ADAMTS12: variants seen among roughly 807,000 people sequenced by gnomAD.
ADAMTS12 encodes the protein A disintegrin and metalloproteinase with thrombospondin motifs 12.
ADAMTS12 carries 118 observed loss-of-function variants against 167.8 expected under a neutral mutation model. That is an observed-to-expected ratio of 0.70 (90% confidence interval 0.61 to 0.82). ADAMTS12 has a LOEUF of 0.82. Among genes scored for constraint, ADAMTS12 ranks in the 40% least tolerant of loss-of-function variants. The pLI, the probability that ADAMTS12 is intolerant of heterozygous loss-of-function variation, is 0.00. For missense variants in ADAMTS12, 1,916 were observed against 1,998.8 expected (o/e 0.96, Z 0.79); for synonymous variants, 704 against 716.9 (o/e 0.98, Z 0.29).
intron 2 of ADAMTS12, among the ~76,000 whole-genome samples, chr5:33,767,010 T>C (rs1242383886): frequency 6.6e-6 from 1 of 152,186 alleles, no homozygotes; most frequent in East Asian, 1.9e-4. Context: ...ACCACTGCAT[T>C]ATTGATAATG....
chr5:33,561,392 T>A (rs1385854791), intron 19 of ADAMTS12, among the ~76,000 whole-genome samples: 3 of 152,210 alleles, frequency 2.0e-5, no homozygotes, highest in Admixed American at 1.3e-4. Flanking sequence ...TAAAAATAAT[T>A]CCCCAGCTTA....
At chr5:33,790,585 AG>A in intron 2 of ADAMTS12, among the ~76,000 whole-genome samples, 1 of 150,734 alleles carries the variant, frequency 6.6e-6, no homozygotes, top group East Asian at 1.9e-4. Context: ...AAAAGAAAAA[AG>A]AATGTCCCAC....
At chr5:33,550,329 C>A (rs1337846984) in intron 20 of ADAMTS12, among the ~76,000 whole-genome samples, 1 of 152,194 alleles carries the variant, frequency 6.6e-6, no homozygotes, top group Non-Finnish European at 1.5e-5. Flanking sequence ...AGGACTTGCT[C>A]TCTGGTCTGT....
At chr5:33,533,183 T>C (rs1317945917) in intron 23 of ADAMTS12, among the ~76,000 whole-genome samples, 2 of 152,234 alleles carry the variant, frequency 1.3e-5, no homozygotes, top group Non-Finnish European at 2.9e-5. Flanking sequence ...TGTCCAGCAA[T>C]AGGACAGTTG....
At chr5:33,533,993 C>T (rs373054194) in intron 23 of ADAMTS12, among the ~76,000 whole-genome samples, 3 of 152,190 alleles carry the variant, frequency 2.0e-5, no homozygotes, top group East Asian at 1.9e-4. Flanking sequence ...CCTGAATATA[C>T]TCACTTCTCT....
chr5:33,593,691 G>A (rs879888656), intron 17 of ADAMTS12, among the ~76,000 whole-genome samples: 2 of 151,974 alleles, frequency 1.3e-5, no homozygotes, highest in African/African-American at 2.4e-5. Context: ...GAGTTGGGGG[G>A]CTAGGGGTGG....
At chr5:33,652,565 C>A (rs13186176) in intron 7 of ADAMTS12, among the ~76,000 whole-genome samples, 20,844 of 151,972 alleles carry the variant, frequency 0.14, 1,808 homozygotes, top group Non-Finnish European at 0.2. Context: ...TATGTTTTCT[C>A]CACTCTGTGG....
chr5:33,615,264 C>T (rs1410325124), intron 15 of ADAMTS12, among the ~76,000 whole-genome samples: 1 of 152,194 alleles, frequency 6.6e-6, no homozygotes, highest in Non-Finnish European at 1.5e-5. Context: ...GGATGTCTCT[C>T]TAACTTTAGA....
intron 2 of ADAMTS12, among the ~76,000 whole-genome samples, chr5:33,878,299 C>T (rs1750304085): frequency 6.6e-6 from 1 of 151,978 alleles, no homozygotes; most frequent in Admixed American, 6.6e-5. Context: ...TTATAACCAT[C>T]CATTAAACAT....
At chr5:33,649,765 T>G in intron 7 of ADAMTS12, 68 bp from the exon 8 acceptor site, 1 of 1,579,604 alleles carries the variant, frequency 6.3e-7, no homozygotes, top group Non-Finnish European at 8.6e-7. Context: ...AAAACCATAG[T>G]TTCCCTAAGA....
intron 3 of ADAMTS12, among the ~76,000 whole-genome samples, chr5:33,746,981 C>T (rs922512484): frequency 6.6e-6 from 1 of 152,180 alleles, no homozygotes; most frequent in Non-Finnish European, 1.5e-5. Context: ...AGCCAGCCCC[C>T]ACTACTGCAT....
chr5:33,662,236 ACCT>A (rs1741284667), intron 5 of ADAMTS12, among the ~76,000 whole-genome samples, 196 bp from the exon 6 acceptor site: 1 of 152,102 alleles, frequency 6.6e-6, no homozygotes, highest in African/African-American at 2.4e-5. Context: ...CATTCTAATG[ACCT>A]CCACTAGAAG....
chr5:33,856,344 T>C (rs571005692), intron 2 of ADAMTS12, among the ~76,000 whole-genome samples: 1 of 152,254 alleles, frequency 6.6e-6, no homozygotes, highest in East Asian at 1.9e-4. Flanking sequence ...TCTGGGAACA[T>C]AAAGCTGGGC....
intron 2 of ADAMTS12, among the ~76,000 whole-genome samples, chr5:33,861,936 A>C (rs1480971270): frequency 1.3e-5 from 2 of 152,190 alleles, no homozygotes; most frequent in African/African-American, 2.4e-5. Context: ...CTAATGGGTA[A>C]ATAACGAAAT....
chr5:33,622,875 A>G (rs1353714134), intron 14 of ADAMTS12, among the ~76,000 whole-genome samples: 1 of 152,162 alleles, frequency 6.6e-6, no homozygotes, highest in African/African-American at 2.4e-5. Context: ...TTCAGAGAGT[A>G]TTTTTCATCC....
At chr5:33,646,959 C>T (rs979454761) in intron 9 of ADAMTS12, among the ~76,000 whole-genome samples, 1 of 151,752 alleles carries the variant, frequency 6.6e-6, no homozygotes, top group Non-Finnish European at 1.5e-5. Flanking sequence ...ATTCAAAAGT[C>T]AATAGACAGG....
chr5:33,618,240 C>CT (rs1345021262), intron 14 of ADAMTS12, among the ~76,000 whole-genome samples: 1 of 152,098 alleles, frequency 6.6e-6, no homozygotes, highest in Non-Finnish European at 1.5e-5. Flanking sequence ...GACCTTCATC[C>CT]TTGTTGTCTT....
At chr5:33,854,053 T>C (rs1002995360) in intron 2 of ADAMTS12, among the ~76,000 whole-genome samples, 1 of 152,220 alleles carries the variant, frequency 6.6e-6, no homozygotes, top group Admixed American at 6.5e-5. Context: ...ATGCAAAATA[T>C]GTCAAGCCTC....
intron 18 of ADAMTS12, among the ~76,000 whole-genome samples, chr5:33,580,190 TC>T (rs1162924086): frequency 1.3e-5 from 2 of 152,244 alleles, no homozygotes; most frequent in Admixed American, 1.3e-4. Flanking sequence ...TAGTTTGTTT[TC>T]ATGCTGCTAT....
Sources: gnomAD v4.1 joint callset for allele counts (sites outside exome capture counted in the v4.1 genomes callset) on GRCh38, gnomAD v4.1.1 for gene constraint, MANE v1.5 for transcripts, NCBI Gene and HGNC (gene_info 2026-07-23, HGNC 2026-07-21) for gene names.